Variants in KIAA0586 observed in about 807,000 individuals in gnomAD.
KIAA0586 encodes KIAA0586, also known as protein TALPID3.
In KIAA0586, 144 loss-of-function variants were observed where a neutral mutation model predicts 169.8. That is an observed-to-expected ratio of 0.85 (90% CI 0.74 to 0.97). The LOEUF is 0.97. KIAA0586 is among the 50% of genes least tolerant of loss of function. KIAA0586 has a pLI of 0.00. For missense variants in KIAA0586, 1,854 were observed against 1,823.0 expected (o/e 1.02, Z -0.31); for synonymous variants, 625 against 612.4 (o/e 1.02, Z -0.30).
At chr14:58,560,511 C>T in the KIAA0586 span, among the ~76,000 whole-genome samples, 2 of 152,178 alleles carry the variant, frequency 1.3e-5, no homozygotes, top group Non-Finnish European at 2.9e-5. Flanking sequence ...AGTCTGAAGT[C>T]CATTGAAAAT....
chr14:58,477,225 A>G lies in KIAA0586; in HGVS notation c.2928A>G (p.Pro976=), dbSNP rs933324364. The change falls in exon 20 of 31, where the codon CCA becomes CCG. Residue 976 remains proline (P), a synonymous_variant. Transcript: ENST00000652326. ...ISVSVSETSE[P]LTSDIVEGTS... Reference sequence around the variant, plus strand: ...TTTCAGTCAGTGAGACAAGTGAACCACTGACTTCTGACATTGGTAAGTGAA... The same window carrying G: ...TTTCAGTCAGTGAGACAAGTGAACCGCTGACTTCTGACATTGGTAAGTGAA... 3 of 1,548,846 alleles carry G rather than the reference A, an allele frequency of 1.9e-6. No individual in the cohort carries two copies. The highest frequency in any genetic ancestry group is 2.6e-6 in the Non-Finnish European group (3 of 1,136,220).
chr14:58,512,267 A>G (rs1170163836), intron 28 of KIAA0586, among the ~76,000 whole-genome samples: 1 of 152,120 alleles, frequency 6.6e-6, no homozygotes, highest in Non-Finnish European at 1.5e-5. Flanking sequence ...ATAGACAGAA[A>G]TGACTTGAAT....
chr14:58,505,006 A>G (rs984283433), intron 27 of KIAA0586, among the ~76,000 whole-genome samples: 35 of 152,174 alleles, frequency 2.3e-4, no homozygotes, highest in African/African-American at 7.5e-4. Context: ...AGGATGGTGT[A>G]TTATGTGAAA....
chr14:58,446,921 A>C (rs1427212135), intron 6 of KIAA0586, among the ~76,000 whole-genome samples: 1 of 152,150 alleles, frequency 6.6e-6, no homozygotes, highest in African/African-American at 2.4e-5. Context: ...TCTGTTGTTC[A>C]GGATAAAATG....
At chr14:58,504,012 AT>A (rs2043763708) in intron 27 of KIAA0586, among the ~76,000 whole-genome samples, 1 of 152,182 alleles carries the variant, frequency 6.6e-6, no homozygotes, top group South Asian at 2.1e-4. Context: ...CTTTATACTT[AT>A]TCCCATGAAC....
At position 58,531,336 on chromosome 14, in the gene KIAA0586, A is replaced by AT. The variant is rs1489751057; in HGVS notation, c.4430-8735_4430-8734insT. The stretch of plus-strand genomic sequence containing the variant: ...ACCGAGACTCCGTCTCAAAAAAAAA[A>AT]AAAAATAAAATAAATAAAAAATAAA... On this transcript the variant is annotated intron_variant, in intron 29 of 30. Coordinates refer to ENST00000652326, the MANE Select transcript of KIAA0586 (RefSeq NM_001329943.3). Among the ~76,000 whole-genome samples, 9 of 151,234 alleles carry AT rather than the reference A, an allele frequency of 6.0e-5. No homozygotes were observed. In the East Asian group the frequency reaches 1.2e-3, roughly 19 times the overall value.
intron 29 of KIAA0586, among the ~76,000 whole-genome samples, chr14:58,524,070 A>C (rs1413550789): frequency 4.6e-5 from 7 of 152,194 alleles, no homozygotes; most frequent in Non-Finnish European, 8.8e-5. Context: ...TCATATAATG[A>C]AAATAAAAAG....
chr14:58,440,179 A>G (rs772181913), intron 4 of KIAA0586: 13 of 446,884 alleles, frequency 2.9e-5, no homozygotes, highest in Non-Finnish European at 5.4e-5. Flanking sequence ...CACTACACCC[A>G]CCTAATTCAG....
intron 28 of KIAA0586, among the ~76,000 whole-genome samples, chr14:58,509,106 A>G (rs188670128): frequency 1.2e-3 from 181 of 152,200 alleles, no homozygotes; most frequent in African/African-American, 4.3e-3. Flanking sequence ...AGTTCCAGCT[A>G]CTTGAGAGGC....
At chr14:58,504,047 G>A (rs951681983) in intron 27 of KIAA0586, among the ~76,000 whole-genome samples, 1 of 152,128 alleles carries the variant, frequency 6.6e-6, no homozygotes, top group African/African-American at 2.4e-5. Context: ...GTTTCTGTCA[G>A]TTCTGAATGT....
chr14:58,514,089 C>T (rs1440989934), intron 29 of KIAA0586, among the ~76,000 whole-genome samples: 7 of 151,968 alleles, frequency 4.6e-5, no homozygotes, highest in South Asian at 4.1e-4. Context: ...TAAATACAGG[C>T]GAAGTCTTTC....
At chr14:58,428,559 T>C in intron 1 of KIAA0586, 96 bp downstream of exon 1, 1 of 935,716 alleles carries the variant, frequency 1.1e-6, no homozygotes, top group Non-Finnish European at 1.6e-6. Flanking sequence ...TAAGTCTAGT[T>C]TGTACAGATG....
chr14:58,494,067 AG>A (rs2042995893), intron 26 of KIAA0586, among the ~76,000 whole-genome samples: 1 of 151,922 alleles, frequency 6.6e-6, no homozygotes, highest in Non-Finnish European at 1.5e-5. Context: ...TTTATCTTTT[AG>A]ATGCTGGGAA....
chr14:58,471,143 G>A (rs1308094848), intron 17 of KIAA0586, among the ~76,000 whole-genome samples: 4 of 152,180 alleles, frequency 2.6e-5, no homozygotes, highest in South Asian at 2.1e-4. Flanking sequence ...GAGCCACCAC[G>A]CCAGCCCAAA....
chr14:58,560,044 G>A, the KIAA0586 span, among the ~76,000 whole-genome samples: 3 of 151,910 alleles, frequency 2.0e-5, no homozygotes, highest in Non-Finnish European at 2.9e-5. Context: ...CCAGCTACTC[G>A]GGAGGCTGAG....
chr14:58,548,014 GT>G lies in KIAA0586; in HGVS notation c.*85del, dbSNP rs1479126814. On this transcript the variant is annotated 3_prime_UTR_variant, in exon 31 of 31. Coordinates refer to ENST00000652326, the MANE Select transcript of KIAA0586 (RefSeq NM_001329943.3). ...TTGGCTTAAAACCCTCTCTCAGACT[GT>G]TTGGTTTTTGAGCATATTCTGAAAA... 7 of 1,448,458 alleles carry G rather than the reference GT, an allele frequency of 4.8e-6. No homozygotes were observed. The highest frequency in any genetic ancestry group is 6.5e-6 in the Non-Finnish European group (7 of 1,081,638). The allele number at this position is 1,448,458 out of a possible 1,614,324, so 89.7% of individuals were successfully genotyped here.
At chr14:58,457,515 G>A (rs544342911) in intron 10 of KIAA0586, among the ~76,000 whole-genome samples, 44 of 152,298 alleles carry the variant, frequency 2.9e-4, no homozygotes, top group African/African-American at 1.1e-3. Context: ...TGATCCACCT[G>A]CCTCGGCCTC....
At chr14:58,527,080 T>C (rs2045638440) in intron 29 of KIAA0586, among the ~76,000 whole-genome samples, 3 of 151,938 alleles carry the variant, frequency 2.0e-5, no homozygotes, top group Admixed American at 1.3e-4. Context: ...ATAGCCAGAT[T>C]GATCAAGCGG....
intron 4 of KIAA0586, chr14:58,440,288 T>TTCTCTCTCTCTCTC (rs138818880): frequency 1.3e-5 from 5 of 373,140 alleles, no homozygotes; most frequent in Middle Eastern, 7.5e-4. Flanking sequence ...CTTTTCTTCT[T>TTCTCTCTCTCTCTC]TCTCTCTCTC....
Sources: allele counts gnomAD v4.1 joint callset (sites outside exome capture counted in the v4.1 genomes callset), GRCh38; gene constraint gnomAD v4.1.1; transcripts MANE v1.5; gene names NCBI Gene and HGNC (gene_info 2026-07-23, HGNC 2026-07-21).